The following SAMD12 variants were observed in gnomAD, a reference collection of about 807,000 sequenced individuals.
SAMD12 encodes the protein sterile alpha motif domain containing 12.
A neutral mutation model predicts 15.0 loss-of-function variants in SAMD12; 9 were observed. The ratio of observed to expected loss-of-function variants is 0.60; its 90% CI spans 0.36 to 1.05. SAMD12 has a LOEUF of 1.05. Among genes scored for constraint, SAMD12 ranks in the 50% least tolerant of loss-of-function variants. The probability of loss-of-function intolerance (pLI) is 0.01; values close to 1 mark genes in which losing one functional copy is unlikely to be tolerated. For synonymous variants in SAMD12, 86 were observed against 90.1 expected (o/e 0.96, Z 0.25); for missense variants, 230 against 234.2 (o/e 0.98, Z 0.12).
At chr8:118,524,263 T>C (rs771731877) in intron 2 of SAMD12, among the ~76,000 whole-genome samples, 8 of 152,134 alleles carry the variant, frequency 5.3e-5, no homozygotes, top group African/African-American at 1.9e-4. Flanking sequence ...TCCACATTGC[T>C]GAATCCTATG....
chr8:118,607,249 T>C (rs1266000837), intron 1 of SAMD12, among the ~76,000 whole-genome samples: 3 of 152,050 alleles, frequency 2.0e-5, no homozygotes, highest in Admixed American at 6.6e-5. Flanking sequence ...CTTTTTTTTT[T>C]CTTGAGACGG....
intron 3 of SAMD12, among the ~76,000 whole-genome samples, chr8:118,385,329 C>T (rs925097967): frequency 6.6e-6 from 1 of 152,170 alleles, no homozygotes; most frequent in African/African-American, 2.4e-5. Context: ...CCTTTCTAGA[C>T]TAAGAGAGAA....
intron 1 of SAMD12, among the ~76,000 whole-genome samples, chr8:118,592,542 T>C (rs1827608494): frequency 2.0e-5 from 3 of 152,208 alleles, no homozygotes; most frequent in African/African-American, 4.8e-5. Flanking sequence ...ATAACTTCTT[T>C]ATAATATTTT....
chr8:118,460,103 T>C (rs1057501124), intron 2 of SAMD12, among the ~76,000 whole-genome samples: 2 of 152,232 alleles, frequency 1.3e-5, no homozygotes, highest in African/African-American at 4.8e-5. Flanking sequence ...TGGCCTCTGA[T>C]CTGTTCTGAA....
intron 1 of SAMD12, among the ~76,000 whole-genome samples, chr8:118,591,469 T>C (rs1304329974): frequency 6.6e-6 from 1 of 152,230 alleles, no homozygotes; most frequent in East Asian, 1.9e-4. Context: ...TCTTGACACC[T>C]ACCATGTGTT....
At chr8:118,596,813 A>C (rs1346489153) in intron 1 of SAMD12, among the ~76,000 whole-genome samples, 1 of 152,190 alleles carries the variant, frequency 6.6e-6, no homozygotes, top group Non-Finnish European at 1.5e-5. Context: ...TGCCTACGAA[A>C]ACTAAGAAAC....
chr8:118,433,138 C>T (rs1822464759), intron 3 of SAMD12, among the ~76,000 whole-genome samples: 1 of 152,158 alleles, frequency 6.6e-6, no homozygotes, highest in Non-Finnish European at 1.5e-5. Context: ...GGCCTCTCTC[C>T]TGTCCTCCAT....
intron 2 of SAMD12, among the ~76,000 whole-genome samples, chr8:118,442,522 G>A (rs1274885920): frequency 6.6e-6 from 1 of 152,204 alleles, no homozygotes; most frequent in East Asian, 1.9e-4. Flanking sequence ...TGGGCATGGA[G>A]GGTATAAATG....
chr8:118,300,921 C>T (rs528788845), intron 4 of SAMD12, among the ~76,000 whole-genome samples: 1 of 152,152 alleles, frequency 6.6e-6, no homozygotes, highest in Non-Finnish European at 1.5e-5. Context: ...TAACATGATG[C>T]ATAAAGATGG....
At chr8:118,255,019 G>A (rs950125113) in intron 4 of SAMD12, among the ~76,000 whole-genome samples, 17 of 151,762 alleles carry the variant, frequency 1.1e-4, no homozygotes, top group East Asian at 1.9e-4. Flanking sequence ...CTCTTAAGTC[G>A]ATGCCTTGGA....
intron 4 of SAMD12, among the ~76,000 whole-genome samples, chr8:118,244,793 C>G (rs560127144): frequency 6.6e-6 from 1 of 151,784 alleles, no homozygotes; most frequent in South Asian, 2.1e-4. Context: ...GAAAGTAGAG[C>G]GAAAACTAGG....
intron 2 of SAMD12, among the ~76,000 whole-genome samples, chr8:118,500,065 GCC>G (rs1824737547): frequency 1.6e-5 from 1 of 63,112 alleles, no homozygotes; most frequent in African/African-American, 6.0e-5. Context: ...CCTGAGTTTT[GCC>G]TTTTTTTTTT....
chr8:118,318,832 T>C lies in SAMD12; in HGVS notation c.433+60728A>G, dbSNP rs538018790. Among the ~76,000 whole-genome samples the C allele has an allele frequency of 4.6e-5, 7 of 152,194 alleles. No individual in the cohort carries two copies. The East Asian group carries it at 1.4e-3, about 29-fold the overall frequency. ...CCTCAAACAAGGTGACATGTGTCTTTAGGAGCTTGAGGGACAAAGTGAGAA... is the reference window on the plus strand; with the variant it reads ...CCTCAAACAAGGTGACATGTGTCTTCAGGAGCTTGAGGGACAAAGTGAGAA... On this transcript the variant is annotated intron_variant, in intron 4 of 4. Transcript: ENST00000409003.
intron 4 of SAMD12, among the ~76,000 whole-genome samples, chr8:118,279,211 A>G (rs1813549007): frequency 6.6e-6 from 1 of 152,180 alleles, no homozygotes; most frequent in South Asian, 2.1e-4. Flanking sequence ...CACCCCTGAC[A>G]ATTTTTCCCT....
At chr8:118,348,597 C>A (rs185004147) in intron 4 of SAMD12, among the ~76,000 whole-genome samples, 1,619 of 152,180 alleles carry the variant, frequency 0.011, 10 homozygotes, top group Non-Finnish European at 0.017. Context: ...TGGTCTTGAT[C>A]TCCTGACATC....
intron 3 of SAMD12, among the ~76,000 whole-genome samples, chr8:118,420,857 G>A (rs1478634309): frequency 6.6e-6 from 1 of 152,150 alleles, no homozygotes; most frequent in Non-Finnish European, 1.5e-5. Flanking sequence ...TAGAATAGGG[G>A]TTGGCAAACT....
the SAMD12 span, among the ~76,000 whole-genome samples, chr8:118,149,495 T>C: frequency 6.6e-6 from 1 of 152,150 alleles, no homozygotes; most frequent in East Asian, 1.9e-4. Flanking sequence ...ATTTTGAGTA[T>C]TCTTTATGTC....
rs368155011 is a variant in SAMD12, at chr8:118,267,625, A to G, written c.434-69893T>C. 3.9e-5 allele frequency among the ~76,000 whole-genome samples: 6 copies of G among 152,230 alleles called. No individual in the cohort carries two copies. In the East Asian group the frequency reaches 5.8e-4, roughly 15 times the overall value. On this transcript the variant is annotated intron_variant, in intron 4 of 4. Transcript: ENST00000409003. ...TCTCACTGATTTGGCTTTTTAGCACATATTTCCATCTTATTTTTATTAATG... is the reference window on the plus strand; with the variant it reads ...TCTCACTGATTTGGCTTTTTAGCACGTATTTCCATCTTATTTTTATTAATG...
At chr8:118,293,005 A>C (rs541997456) in intron 4 of SAMD12, among the ~76,000 whole-genome samples, 135 of 152,190 alleles carry the variant, frequency 8.9e-4, no homozygotes, top group Non-Finnish European at 1.5e-3. Flanking sequence ...TACATATGTA[A>C]CTAACCTGCA....
Sources: gnomAD v4.1 joint callset for allele counts (sites outside exome capture counted in the v4.1 genomes callset) on GRCh38, gnomAD v4.1.1 for gene constraint, MANE v1.5 for transcripts, NCBI Gene and HGNC (gene_info 2026-07-23, HGNC 2026-07-21) for gene names.